Variants in GFOD1 observed in about 807,000 individuals in gnomAD.
GFOD1 encodes Gfo/Idh/MocA-like oxidoreductase domain containing 1, also known as glucose-fructose oxidoreductase domain-containing protein 1.
GFOD1 carries 9 observed loss-of-function variants against 25.4 expected under a neutral mutation model. That is an observed-to-expected ratio of 0.35 (90% CI 0.21 to 0.62). The LOEUF is 0.62. Among genes scored for constraint, GFOD1 ranks in the 20% least tolerant of loss-of-function variants. The pLI, the probability that GFOD1 is intolerant of heterozygous loss-of-function variation, is 0.72. For synonymous variants in GFOD1, 253 were observed against 245.6 expected, an observed-to-expected ratio of 1.03 and a Z score of -0.28; for missense variants, 403 against 556.9, an observed-to-expected ratio of 0.72 and a Z score of 2.78.
intron 1 of GFOD1, among the ~76,000 whole-genome samples, chr6:13,368,876 T>C (rs1785096412): frequency 1.3e-5 from 2 of 152,126 alleles, no homozygotes; most frequent in African/African-American, 2.4e-5. Context: ...CATGACATGA[T>C]ATACAAAAAT....
chr6:13,410,677 G>A (rs1183375487), intron 1 of GFOD1, among the ~76,000 whole-genome samples: 7 of 151,630 alleles, frequency 4.6e-5, no homozygotes, highest in Non-Finnish European at 1.0e-4. Flanking sequence ...GTGGAAAGAA[G>A]GGGCATTAAT....
chr6:13,443,783 T>A (rs1443652099), intron 1 of GFOD1, among the ~76,000 whole-genome samples: 1 of 135,024 alleles, frequency 7.4e-6, no homozygotes, highest in Non-Finnish European at 1.5e-5. Context: ...ACCATTGCAC[T>A]CCAGCCTGGG....
chr6:13,418,670 C>T (rs1786201385), intron 1 of GFOD1, among the ~76,000 whole-genome samples: 1 of 152,178 alleles, frequency 6.6e-6, no homozygotes, highest in Admixed American at 6.5e-5. Context: ...TATTCATACT[C>T]TTAGCTTAGA....
At chr6:13,369,584 C>G (rs1785109488) in intron 1 of GFOD1, among the ~76,000 whole-genome samples, 1 of 152,094 alleles carries the variant, frequency 6.6e-6, no homozygotes, top group African/African-American at 2.4e-5. Context: ...ATCACTTAAG[C>G]CCAGGAGTTT....
chr6:13,412,808 G>A (rs1786101904), intron 1 of GFOD1, among the ~76,000 whole-genome samples: 1 of 152,248 alleles, frequency 6.6e-6, no homozygotes, highest in Non-Finnish European at 1.5e-5. Flanking sequence ...CACAAAGGTT[G>A]TAATGACCAA....
rs1398080782 is a variant in GFOD1, at chr6:13,358,882, G to A, written c.*5861C>T. The A allele has an allele frequency of 6.6e-6, 1 of 152,280 alleles. No homozygotes were observed. The highest frequency in any genetic ancestry group is 1.5e-5 in the Non-Finnish European group (1 of 68,064). 9.4% of individuals were successfully genotyped at this position (152,280 alleles called of 1,614,324 possible). On this transcript the variant is annotated 3_prime_UTR_variant, in exon 2 of 2. Transcript: ENST00000379287. ...TATTCACTGCTGGTGTAAACAGAAA[G>A]GAGTATTCAGTAGTGCAACACTTTG...
chr6:13,389,402 G>C (rs1785539022), intron 1 of GFOD1, among the ~76,000 whole-genome samples: 1 of 152,190 alleles, frequency 6.6e-6, no homozygotes, highest in Non-Finnish European at 1.5e-5. Flanking sequence ...AGAAATTGTG[G>C]CACATATACA....
At chr6:13,475,080 A>G (rs956804841) in intron 1 of GFOD1, among the ~76,000 whole-genome samples, 3 of 152,224 alleles carry the variant, frequency 2.0e-5, no homozygotes, top group Admixed American at 2.0e-4. Flanking sequence ...TCACAAAACC[A>G]ATGCTTACAA....
chr6:13,400,028 G>A (rs997027851), intron 1 of GFOD1, among the ~76,000 whole-genome samples: 3 of 152,036 alleles, frequency 2.0e-5, no homozygotes, highest in African/African-American at 7.2e-5. Flanking sequence ...TTACTGAGAA[G>A]CTGTTTTAAT....
At chr6:13,427,571 A>G (rs953356213) in intron 1 of GFOD1, among the ~76,000 whole-genome samples, 6 of 152,154 alleles carry the variant, frequency 3.9e-5, no homozygotes, top group African/African-American at 1.4e-4. Flanking sequence ...GGATCGCGTG[A>G]GCCCAGGAGT....
At chr6:13,386,403 G>A (rs536369983) in intron 1 of GFOD1, among the ~76,000 whole-genome samples, 224 of 152,294 alleles carry the variant, frequency 1.5e-3, no homozygotes, top group Non-Finnish European at 2.4e-3. Context: ...GTAGCACCTG[G>A]CCTGACTGTG....
At chr6:13,467,826 C>T (rs1039034317) in intron 1 of GFOD1, among the ~76,000 whole-genome samples, 3 of 152,322 alleles carry the variant, frequency 2.0e-5, no homozygotes, top group African/African-American at 7.2e-5. Context: ...CAGAGTCATG[C>T]CCAATTACTC....
intron 1 of GFOD1, among the ~76,000 whole-genome samples, chr6:13,398,161 C>T (rs978089131): frequency 6.6e-6 from 1 of 152,178 alleles, no homozygotes; most frequent in Non-Finnish European, 1.5e-5. Context: ...TGAGCCTCGG[C>T]TTCCTCATCT....
chr6:13,458,498 T>C (rs1341117808), intron 1 of GFOD1, among the ~76,000 whole-genome samples: 1 of 152,004 alleles, frequency 6.6e-6, no homozygotes, highest in East Asian at 1.9e-4. Flanking sequence ...ACTGAACTCA[T>C]CAGGTGATCT....
At chr6:13,371,507 AC>A (rs1196726755) in intron 1 of GFOD1, among the ~76,000 whole-genome samples, 2 of 152,212 alleles carry the variant, frequency 1.3e-5, no homozygotes, top group African/African-American at 4.8e-5. Context: ...AAACTTTGGG[AC>A]TTCAAACAAT....
At chr6:13,473,061 C>G (rs568114759) in intron 1 of GFOD1, among the ~76,000 whole-genome samples, 129 of 152,268 alleles carry the variant, frequency 8.5e-4, no homozygotes, top group African/African-American at 3.0e-3. Flanking sequence ...TTTGAAACAC[C>G]AGTGACACAA....
chr6:13,469,886 A>G (rs1446313048), intron 1 of GFOD1: 1 of 1,269,166 alleles, frequency 7.9e-7, no homozygotes, highest in South Asian at 1.2e-5. Context: ...CTCACACCAA[A>G]TCTGGCACAT....
At position 13,440,345 on chromosome 6, in the gene GFOD1, C is replaced by A. The variant is rs573012636; in HGVS notation, c.253+46293G>T. Among the ~76,000 whole-genome samples, 17 of 152,194 alleles carry A rather than the reference C, an allele frequency of 1.1e-4. No homozygotes were observed. The South Asian group carries it at 2.9e-3, about 26-fold the overall frequency. On this transcript the variant is annotated intron_variant, in intron 1 of 1. Coordinates refer to ENST00000379287, the MANE Select transcript of GFOD1 (RefSeq NM_018988.4). The stretch of plus-strand genomic sequence containing the variant: ...CTGGGATTATAGGCACCCACCACCA[C>A]GCTCAGCTAATTTTTGTATATTTTT...
chr6:13,411,001 A>T (rs1786067728), intron 1 of GFOD1, among the ~76,000 whole-genome samples: 1 of 152,238 alleles, frequency 6.6e-6, no homozygotes. Context: ...ACATAATTGT[A>T]TGGTAAACCT....
Sources: allele counts gnomAD v4.1 joint callset (sites outside exome capture counted in the v4.1 genomes callset), GRCh38; gene constraint gnomAD v4.1.1; transcripts MANE v1.5; gene names NCBI Gene and HGNC (gene_info 2026-07-23, HGNC 2026-07-21).